The following OLFML2A variants were observed in gnomAD, a reference collection of about 807,000 sequenced individuals.
The protein encoded by OLFML2A is olfactomedin-like protein 2A.
Under a neutral mutation model 60.9 loss-of-function variants are expected in OLFML2A, and 47 were observed. That is an observed-to-expected ratio of 0.77 (90% CI 0.61 to 0.98). The LOEUF (loss-of-function observed/expected upper bound fraction) is 0.98. OLFML2A is among the 50% of genes least tolerant of loss of function. OLFML2A has a pLI of 0.00. For missense variants in OLFML2A, 922 were observed against 879.8 expected, an observed-to-expected ratio of 1.05 and a Z score of -0.61; for synonymous variants, 372 against 375.0, an observed-to-expected ratio of 0.99 and a Z score of 0.09.
Position 124,814,223 on chromosome 9 carries a change from A to G in OLFML2A, c.*3811A>G, listed in dbSNP as rs954639332. On this transcript the variant is annotated 3_prime_UTR_variant, in exon 8 of 8. Coordinates refer to ENST00000373580, the MANE Select transcript of OLFML2A (RefSeq NM_182487.4). ...AGCCCATGTGTTCCAAAGCGTCTTT[A>G]ACTCTGGGATAGCATTGGAAGCCGC... 1 of 152,286 alleles carries G rather than the reference A, an allele frequency of 6.6e-6. No individual in the cohort carries two copies. 9.4% of individuals were successfully genotyped at this position (152,286 alleles called of 1,614,324 possible). A position where few individuals can be genotyped will look rare whatever the true frequency, so the allele number is the denominator to read the frequency against.
intron 1 of OLFML2A, among the ~76,000 whole-genome samples, chr9:124,784,959 T>TTTTTTTG: frequency 8.5e-6 from 1 of 117,308 alleles, no homozygotes. Context: ...TTTTTTTTTT[T>TTTTTTTG]TTTTTTTTTT....
At chr9:124,783,102 G>A (rs1841391802) in intron 1 of OLFML2A, among the ~76,000 whole-genome samples, 1 of 151,800 alleles carries the variant, frequency 6.6e-6, no homozygotes, top group African/African-American at 2.4e-5. Flanking sequence ...GAGAGGCCAG[G>A]ACACACCCAT....
At position 124,809,934 on chromosome 9, in the gene OLFML2A, G is replaced by T. The variant is rs746580461; in HGVS notation, c.1481G>T (p.Arg494Leu). The T allele has an allele frequency of 1.9e-6, 3 of 1,614,164 alleles. No homozygotes were observed. Among genetic ancestry groups the T allele is most frequent in the Non-Finnish European group, 1.7e-6 (2 of 1,180,030 alleles). The change falls in exon 8 of 8, where the codon CGC (arginine) becomes CTC (leucine). Residue 494 changes from arginine (R) to leucine (L), a missense_variant. Physicochemically the swap from Arg to Leu is moderately radical, Grantham distance 102. Transcript: ENST00000373580. ...ATCATCAAGTACGACCTACGGCAGCGCTTCGTGGCCTCCTGGGCGCTGCTG... is the reference window on the plus strand; with the variant it reads ...ATCATCAAGTACGACCTACGGCAGCTCTTCGTGGCCTCCTGGGCGCTGCTG... Reference protein sequence around the residue: ...KNIIKYDLRQRFVASWALLPD... With the variant: ...KNIIKYDLRQLFVASWALLPD...
At chr9:124,797,504 C>T (rs1057237936) in intron 3 of OLFML2A, among the ~76,000 whole-genome samples, 1 of 152,152 alleles carries the variant, frequency 6.6e-6, no homozygotes, top group African/African-American at 2.4e-5. Flanking sequence ...CCTCTTGGTC[C>T]CTGAACATGA....
intron 7 of OLFML2A, among the ~76,000 whole-genome samples, chr9:124,809,271 A>G (rs1841956346): frequency 6.6e-6 from 1 of 152,178 alleles, no homozygotes; most frequent in South Asian, 2.1e-4. Context: ...TGGTGGAGGA[A>G]GCCAGTGATA....
intron 7 of OLFML2A, among the ~76,000 whole-genome samples, chr9:124,808,282 G>A (rs569895637): frequency 6.1e-4 from 93 of 152,342 alleles, no homozygotes; most frequent in African/African-American, 2.0e-3. Context: ...TTTGTTGAAC[G>A]CTTACCCTGT....
At position 124,777,536 on chromosome 9, in the gene OLFML2A, G is replaced by A. The variant is rs559642516; in HGVS notation, c.90+176G>A. Among the ~76,000 whole-genome samples the A allele has an allele frequency of 7.7e-4, 117 of 152,294 alleles. No individual in the cohort carries two copies. The highest frequency in any genetic ancestry group is 2.7e-3 in the African/African-American group (112 of 41,586). ...CGCAGGGGCAGGGGCCCCGAGAGAGGGGCGCGTGGAGGAACAAGCGCTGGA... is the reference window on the plus strand; with the variant it reads ...CGCAGGGGCAGGGGCCCCGAGAGAGAGGCGCGTGGAGGAACAAGCGCTGGA... On this transcript the variant is annotated intron_variant, in intron 1 of 7. Transcript: ENST00000373580. The surrounding 1 kb of genome is among the most constrained non-coding windows in gnomAD (Gnocchi z 6.2).
Position 124,801,760 on chromosome 9 carries a change from T to G in OLFML2A, c.919+97T>G. 2.3e-6 allele frequency: 3 copies of G among 1,312,396 alleles called. No homozygotes were observed. The South Asian group carries it at 4.3e-5, about 19-fold the overall frequency. 81.3% of individuals were successfully genotyped at this position (1,312,396 alleles called of 1,614,324 possible). A position where few individuals can be genotyped will look rare whatever the true frequency, so the allele number is the denominator to read the frequency against. The stretch of plus-strand genomic sequence containing the variant: ...TGCAGTGGGACCACCCCAGATTCAG[T>G]TCCACCCATTGATTACCTGTTGGGT... On this transcript the variant is annotated intron_variant, in intron 5 of 7. Coordinates refer to ENST00000373580, the MANE Select transcript of OLFML2A (RefSeq NM_182487.4).
At chr9:124,808,443 G>A (rs951103688) in intron 7 of OLFML2A, among the ~76,000 whole-genome samples, 2 of 152,194 alleles carry the variant, frequency 1.3e-5, no homozygotes, top group Non-Finnish European at 2.9e-5. Context: ...GCACAGGGAA[G>A]GGCAGAATTC....
intron 1 of OLFML2A, among the ~76,000 whole-genome samples, chr9:124,780,252 T>G (rs1841337038): frequency 6.6e-6 from 1 of 152,168 alleles, no homozygotes; most frequent in East Asian, 1.9e-4. Context: ...GGGAGCTGCT[T>G]CTTGCTGTGG....
chr9:124,785,635 C>T (rs540007317), intron 1 of OLFML2A, among the ~76,000 whole-genome samples: 11 of 149,750 alleles, frequency 7.3e-5, no homozygotes, highest in East Asian at 2.0e-4. Context: ...CTCCTGACCT[C>T]GTGATCTGCC....
chr9:124,786,749 G>GACACACACAC (rs3138850), intron 1 of OLFML2A, among the ~76,000 whole-genome samples: 7 of 129,814 alleles, frequency 5.4e-5, no homozygotes, highest in Admixed American at 7.9e-5. Context: ...CAGAGACGTA[G>GACACACACAC]ACACACACAC....
chr9:124,804,007 C>G, intron 5 of OLFML2A, 87 bp from the exon 6 acceptor site: 1 of 1,493,502 alleles, frequency 6.7e-7, no homozygotes. Context: ...CTGAGGGCCC[C>G]TGAGATGGGG....
intron 1 of OLFML2A, among the ~76,000 whole-genome samples, chr9:124,786,003 A>G (rs1055404620): frequency 6.6e-6 from 1 of 152,134 alleles, no homozygotes; most frequent in African/African-American, 2.4e-5. Context: ...AATCTCAGCT[A>G]CTTGGGAAGC....
At position 124,810,555 on chromosome 9, in the gene OLFML2A, G is replaced by C. The variant is rs1220659165; in HGVS notation, c.*143G>C. 4 of 783,816 alleles carry C rather than the reference G, an allele frequency of 5.1e-6. No homozygotes were observed. Among genetic ancestry groups the C allele is most frequent in the Non-Finnish European group, 5.9e-6 (3 of 504,402 alleles). The allele number at this position is 783,816 out of a possible 1,614,324, so 48.6% of individuals were successfully genotyped here. ...GGCATGAGGTGGTCACCAGGATTGA[G>C]CTTCCTCAGCACCCAGTGGGTAATA... On this transcript the variant is annotated 3_prime_UTR_variant, in exon 8 of 8. Transcript: ENST00000373580.
chr9:124,791,737 CAAAAAAAAAAAAAA>C (rs10553820), intron 2 of OLFML2A, among the ~76,000 whole-genome samples: 7 of 74,908 alleles, frequency 9.3e-5, no homozygotes, highest in Non-Finnish European at 5.1e-5. Context: ...GACTCTGTCT[CAAAAAAAAAAAAAA>C]AAAAAAAAGA....
At chr9:124,797,163 T>C (rs1841684016) in intron 3 of OLFML2A, among the ~76,000 whole-genome samples, 1 of 152,164 alleles carries the variant, frequency 6.6e-6, no homozygotes, top group African/African-American at 2.4e-5. Flanking sequence ...GTGTTTTTTG[T>C]AGAGATGGGG....
In OLFML2A at chr9:124,799,303, A is replaced by G; in HGVS notation, c.481A>G (p.Ser161Gly). ...TLEESIKANL[S>G]RENEVVKDSV... ...TCCGCAGAGCATCAAGGCCAACCTG[A>G]GCCGGGAGAATGAGGTGGTGAAGGA... The change falls in exon 4 of 8, where the codon AGC becomes GGC. Residue 161 changes from serine (S) to glycine (G), a missense_variant. Physicochemically the swap from Ser to Gly is moderately conservative, Grantham distance 56. Transcript: ENST00000373580. 1 of 1,611,562 alleles carries G rather than the reference A, an allele frequency of 6.2e-7. No individual in the cohort carries two copies. Among genetic ancestry groups the G allele is most frequent in the Non-Finnish European group, 8.5e-7 (1 of 1,178,116 alleles).
chr9:124,795,632 A>AGCCT (rs1841654669), intron 3 of OLFML2A, among the ~76,000 whole-genome samples: 1 of 152,152 alleles, frequency 6.6e-6, no homozygotes, highest in South Asian at 2.1e-4. Context: ...TACAAAAATT[A>AGCCT]GGCGTGGTGG....
Sources: gnomAD v4.1 joint callset for allele counts (sites outside exome capture counted in the v4.1 genomes callset) on GRCh38, gnomAD v4.1.1 for gene constraint, Gnocchi (gnomAD v3.1) non-coding constraint, MANE v1.5 for transcripts, NCBI Gene and HGNC (gene_info 2026-07-23, HGNC 2026-07-21) for gene names.